NAALADL2: variants seen among roughly 807,000 people sequenced by gnomAD.
NAALADL2 encodes N-acetylated alpha-linked acidic dipeptidase like 2.
In NAALADL2, 76 loss-of-function variants were observed where a neutral mutation model predicts 87.2. That is an observed-to-expected ratio of 0.87 (90% CI 0.72 to 1.05). NAALADL2 has a LOEUF of 1.05. NAALADL2 is among the 50% of genes least tolerant of loss of function. NAALADL2 has a pLI of 0.00. For missense variants in NAALADL2, 1,089 were observed against 945.8 expected (o/e 1.15, Z -1.99); for synonymous variants, 354 against 331.0 (o/e 1.07, Z -0.75).
chr3:175,713,070 TA>T (rs2150006637), intron 11 of NAALADL2, among the ~76,000 whole-genome samples: 1 of 152,228 alleles, frequency 6.6e-6, no homozygotes, highest in East Asian at 1.9e-4. Context: ...CACAATTTAA[TA>T]ATAATTTCAT....
At chr3:174,983,104 A>C (rs1023755761) in intron 1 of NAALADL2, among the ~76,000 whole-genome samples, 1 of 152,088 alleles carries the variant, frequency 6.6e-6, no homozygotes, top group Non-Finnish European at 1.5e-5. Context: ...AGCCAAAAGA[A>C]CTTTTATTAC....
intron 2 of NAALADL2, among the ~76,000 whole-genome samples, chr3:174,651,975 G>C (rs1321808134): frequency 6.6e-6 from 1 of 152,158 alleles, no homozygotes; most frequent in Non-Finnish European, 1.5e-5. Flanking sequence ...CTAGAAGCTT[G>C]TCCCATAACC....
intron 2 of NAALADL2, among the ~76,000 whole-genome samples, chr3:174,682,632 A>T (rs1224444040): frequency 6.6e-6 from 1 of 152,236 alleles, no homozygotes; most frequent in East Asian, 1.9e-4. Context: ...TCTGCAACTT[A>T]TCCAAGACCA....
intron 9 of NAALADL2, among the ~76,000 whole-genome samples, chr3:175,521,008 G>T (rs1490946634): frequency 6.6e-6 from 1 of 152,036 alleles, no homozygotes; most frequent in African/African-American, 2.4e-5. Context: ...TATAAAAGTT[G>T]AATAGTGTCT....
chr3:174,544,862 C>G (rs927155893), intron 1 of NAALADL2, among the ~76,000 whole-genome samples: 7 of 151,816 alleles, frequency 4.6e-5, no homozygotes, highest in African/African-American at 1.7e-4. Flanking sequence ...AGCCACCACA[C>G]CTAGCCTCAA....
chr3:174,788,041 C>G (rs955333557), intron 3 of NAALADL2, among the ~76,000 whole-genome samples: 1 of 152,050 alleles, frequency 6.6e-6, no homozygotes, highest in African/African-American at 2.4e-5. Flanking sequence ...AGTTGAAAGG[C>G]ACGTATGGAT....
chr3:175,185,573 A>G (rs1195046701), intron 2 of NAALADL2, among the ~76,000 whole-genome samples: 4 of 151,876 alleles, frequency 2.6e-5, no homozygotes, highest in East Asian at 3.8e-4. Flanking sequence ...AGATATGTAC[A>G]TATGCATAAA....
At chr3:174,576,257 C>T (rs190863003) in intron 2 of NAALADL2, among the ~76,000 whole-genome samples, 19 of 151,912 alleles carry the variant, frequency 1.3e-4, no homozygotes, top group Admixed American at 9.2e-4. Context: ...GACATACAGA[C>T]AAAAAATTAT....
At chr3:175,061,008 T>C (rs1308301155) in intron 1 of NAALADL2, among the ~76,000 whole-genome samples, 1 of 152,138 alleles carries the variant, frequency 6.6e-6, no homozygotes, top group East Asian at 1.9e-4. Flanking sequence ...ATCGTGCCAT[T>C]GCACCTCAGC....
At chr3:175,198,643 A>G (rs1359769690) in intron 2 of NAALADL2, among the ~76,000 whole-genome samples, 1 of 152,114 alleles carries the variant, frequency 6.6e-6, no homozygotes, top group East Asian at 1.9e-4. Flanking sequence ...GTGATAAACT[A>G]CAAACATACT....
At chr3:175,717,015 C>T (rs559853845) in intron 11 of NAALADL2, among the ~76,000 whole-genome samples, 1 of 152,236 alleles carries the variant, frequency 6.6e-6, no homozygotes, top group South Asian at 2.1e-4. Context: ...TCTGGTGCTA[C>T]AGTTGTCCAG....
intron 11 of NAALADL2, among the ~76,000 whole-genome samples, chr3:175,632,230 A>C (rs1308549951): frequency 6.6e-6 from 1 of 150,754 alleles, no homozygotes; most frequent in East Asian, 2.0e-4. Flanking sequence ...AGTTCTCACA[A>C]TATCTGATGG....
intron 9 of NAALADL2, 109 bp from the exon 10 acceptor site, chr3:175,575,932 C>T (rs1718803779): frequency 1.1e-5 from 10 of 892,304 alleles, no homozygotes; most frequent in Non-Finnish European, 1.5e-5. Flanking sequence ...TAACAGTCTC[C>T]AGGGAGACAT....
chr3:174,454,182 G>A (rs966930716), intron 1 of NAALADL2, among the ~76,000 whole-genome samples: 3 of 152,022 alleles, frequency 2.0e-5, no homozygotes, highest in Admixed American at 2.0e-4. Context: ...TCAATTCAAC[G>A]GGAAGATCTA....
Position 175,268,628 on chromosome 3 carries a change from G to A in NAALADL2, c.939+12098G>A, listed in dbSNP as rs377113532. ...TTGTAATTAACACTTAGCTTAAAACGCATTGCACACCTGACAAAAATATTT... is the reference window on the plus strand; with the variant it reads ...TTGTAATTAACACTTAGCTTAAAACACATTGCACACCTGACAAAAATATTT... On this transcript the variant is annotated intron_variant, in intron 4 of 13. Coordinates refer to ENST00000454872, the MANE Select transcript of NAALADL2 (RefSeq NM_207015.3). Among the ~76,000 whole-genome samples the A allele has an allele frequency of 8.8e-4, 133 of 151,928 alleles. 4 individuals carry two copies. The South Asian group carries it at 0.027, about 30-fold the overall frequency.
chr3:174,838,842 C>T (rs1723675048), intron 3 of NAALADL2, among the ~76,000 whole-genome samples: 1 of 152,066 alleles, frequency 6.6e-6, no homozygotes, highest in African/African-American at 2.4e-5. Flanking sequence ...TGAAAGAAAT[C>T]ATAGACGACA....
intron 11 of NAALADL2, among the ~76,000 whole-genome samples, chr3:175,660,212 G>A (rs1279541487): frequency 6.6e-6 from 1 of 152,088 alleles, no homozygotes; most frequent in African/African-American, 2.4e-5. Context: ...TTAAATCAGA[G>A]ATTAGGTTTC....
intron 13 of NAALADL2, among the ~76,000 whole-genome samples, chr3:175,759,268 A>G (rs1185445654): frequency 1.3e-5 from 2 of 152,228 alleles, no homozygotes; most frequent in African/African-American, 4.8e-5. Context: ...ACTTATTCAA[A>G]GTGCACAATG....
intron 2 of NAALADL2, 101 bp from the exon 3 acceptor site, chr3:175,233,830 C>T: frequency 1.5e-6 from 1 of 675,008 alleles, no homozygotes; most frequent in South Asian, 2.0e-5. Context: ...TTTCAATATT[C>T]CACAACATCT....
Sources: gnomAD v4.1 joint callset for allele counts (sites outside exome capture counted in the v4.1 genomes callset) on GRCh38, gnomAD v4.1.1 for gene constraint, MANE v1.5 for transcripts, NCBI Gene and HGNC (gene_info 2026-07-23, HGNC 2026-07-21) for gene names.